CYP2C18: variants seen among roughly 807,000 people sequenced by gnomAD.
CYP2C18 encodes the protein cytochrome P450 2C18.
In CYP2C18, 38 loss-of-function variants were observed where a neutral mutation model predicts 41.3. The ratio of observed to expected loss-of-function variants is 0.92; its 90% confidence interval spans 0.71 to 1.21. The LOEUF (loss-of-function observed/expected upper bound fraction) is 1.21. Among genes scored for constraint, CYP2C18 ranks in the 50% most tolerant of loss-of-function variants. The pLI, the probability that CYP2C18 is intolerant of heterozygous loss-of-function variation, is 0.00. For missense variants in CYP2C18, 635 were observed against 591.4 expected (o/e 1.07, Z -0.77); for synonymous variants, 236 against 210.0 (o/e 1.12, Z -1.07).
chr10:94,704,375 A>G (rs77288056), intron 4 of CYP2C18, among the ~76,000 whole-genome samples: 4,818 of 151,642 alleles, frequency 0.032, 124 homozygotes, highest in Middle Eastern at 0.13. Context: ...TGACTTTTCA[A>G]AACTATTTTT....
chr10:94,689,432 C>T (rs1433932914), intron 3 of CYP2C18, among the ~76,000 whole-genome samples: 1 of 152,110 alleles, frequency 6.6e-6, no homozygotes, highest in Non-Finnish European at 1.5e-5. Context: ...CAAAGTCAGA[C>T]AGTTCCTAGA....
chr10:94,703,087 G>C (rs7095497), intron 4 of CYP2C18, among the ~76,000 whole-genome samples: 3,840 of 152,250 alleles, frequency 0.025, 145 homozygotes, highest in African/African-American at 0.075. Context: ...AAAGATTGCT[G>C]CCTGCTCCTT....
intron 4 of CYP2C18, among the ~76,000 whole-genome samples, chr10:94,700,989 G>T (rs1256557216): frequency 6.6e-6 from 1 of 152,192 alleles, no homozygotes; most frequent in East Asian, 1.9e-4. Flanking sequence ...GAGAGGATAT[G>T]GAGAAATAGG....
At chr10:94,718,377 A>G (rs1847591788) in intron 5 of CYP2C18, among the ~76,000 whole-genome samples, 1 of 152,150 alleles carries the variant, frequency 6.6e-6, no homozygotes, top group African/African-American at 2.4e-5. Flanking sequence ...ATGTAAGATC[A>G]TGCCATCAGC....
At chr10:94,735,187 T>A in intron 8 of CYP2C18, 76 bp from the exon 9 acceptor site, 1 of 1,384,970 alleles carries the variant, frequency 7.2e-7, no homozygotes, top group Non-Finnish European at 1.0e-6. Context: ...ATTTATCAAA[T>A]AGTTACTGCA....
At chr10:94,729,334 T>C (rs551525613) in intron 7 of CYP2C18, among the ~76,000 whole-genome samples, 12 of 152,204 alleles carry the variant, frequency 7.9e-5, no homozygotes, top group Non-Finnish European at 1.6e-4. Context: ...TGGCCACAGG[T>C]CTTTGAGAAC....
intron 5 of CYP2C18, among the ~76,000 whole-genome samples, chr10:94,710,167 C>T (rs72816646): frequency 0.021 from 3,145 of 152,270 alleles, 43 homozygotes; most frequent in Non-Finnish European, 0.034. Flanking sequence ...GACAGCCTTT[C>T]GCTATTTTGC....
chr10:94,724,605 T>G, intron 7 of CYP2C18, 72 bp downstream of exon 7: 1 of 1,353,268 alleles, frequency 7.4e-7, no homozygotes, highest in African/African-American at 1.4e-5. Context: ...GTCCCAATCC[T>G]CTAACAACAC....
In CYP2C18 at chr10:94,735,518, C is replaced by T. The variant is rs1386937965; in HGVS notation, c.*74C>T. 1 of 1,441,116 alleles carries T rather than the reference C, an allele frequency of 6.9e-7. No individual in the cohort carries two copies. Among genetic ancestry groups the T allele is most frequent in the Non-Finnish European group, 9.7e-7 (1 of 1,030,588 alleles). 89.3% of individuals were successfully genotyped at this position (1,441,116 alleles called of 1,614,324 possible). A position where few individuals can be genotyped will look rare whatever the true frequency, so the allele number is the denominator to read the frequency against. Reference sequence around the variant, plus strand: ...CCTTATCAGGGCCATTGGCCTCTCCCTTCTCTCTGTGAGGGATATTTTCTC... The same window carrying T: ...CCTTATCAGGGCCATTGGCCTCTCCTTTCTCTCTGTGAGGGATATTTTCTC... On this transcript the variant is annotated 3_prime_UTR_variant, in exon 9 of 9. Coordinates refer to ENST00000285979, the MANE Select transcript of CYP2C18 (RefSeq NM_000772.3).
At chr10:94,722,816 G>A (rs1847670132) in intron 6 of CYP2C18, among the ~76,000 whole-genome samples, 1 of 152,072 alleles carries the variant, frequency 6.6e-6, no homozygotes, top group Non-Finnish European at 1.5e-5. Context: ...GAGTCCACTT[G>A]AATTCTAAGG....
intron 5 of CYP2C18, among the ~76,000 whole-genome samples, chr10:94,719,480 T>C (rs1847612053): frequency 6.6e-6 from 1 of 152,018 alleles, no homozygotes; most frequent in Non-Finnish European, 1.5e-5. Flanking sequence ...CATGCTTCAC[T>C]GCAGCCTTGA....
At chr10:94,705,198 T>C (rs1401974237) in intron 4 of CYP2C18, among the ~76,000 whole-genome samples, 1 of 152,148 alleles carries the variant, frequency 6.6e-6, no homozygotes, top group Non-Finnish European at 1.5e-5. Context: ...GGAATGAGAT[T>C]ATGTCCTTTG....
intron 7 of CYP2C18, among the ~76,000 whole-genome samples, chr10:94,725,741 GATATA>G (rs1368939120): frequency 4.6e-5 from 7 of 152,024 alleles, no homozygotes; most frequent in Non-Finnish European, 7.4e-5. Context: ...CCTGTCTATA[GATATA>G]ATATATATAT....
At chr10:94,734,572 G>T (rs950969597) in intron 8 of CYP2C18, among the ~76,000 whole-genome samples, 1 of 152,158 alleles carries the variant, frequency 6.6e-6, no homozygotes, top group African/African-American at 2.4e-5. Context: ...AGCTTCTGAA[G>T]GAAGCATAGG....
chr10:94,704,422 C>T (rs370869001), intron 4 of CYP2C18, among the ~76,000 whole-genome samples: 162 of 150,456 alleles, frequency 1.1e-3, no homozygotes, highest in African/African-American at 3.9e-3. Context: ...TTTTCTTTAG[C>T]GTATGTTCAG....
rs538373734 is a variant in CYP2C18, at chr10:94,692,003, C to A, written c.482-2914C>A. Among the ~76,000 whole-genome samples, 513 of 152,252 alleles carry A rather than the reference C, an allele frequency of 3.4e-3. 2 individuals carry two copies. The highest frequency in any genetic ancestry group is 0.012 in the African/African-American group (497 of 41,512). On this transcript the variant is annotated intron_variant, in intron 3 of 8. Coordinates refer to ENST00000285979, the MANE Select transcript of CYP2C18 (RefSeq NM_000772.3). ...AAGCTGAAACTGGATCCCTTCCTTA[C>A]ACTTGATACAAAAATTAATTCAAGA...
intron 1 of CYP2C18, 109 bp from the exon 2 acceptor site, chr10:94,687,661 C>A: frequency 2.0e-6 from 2 of 1,003,200 alleles, no homozygotes; most frequent in Non-Finnish European, 3.0e-6. Context: ...CTGTATTTGA[C>A]AGAATAATCA....
chr10:94,691,538 G>T (rs944757078), intron 3 of CYP2C18, among the ~76,000 whole-genome samples: 8 of 152,212 alleles, frequency 5.3e-5, no homozygotes, highest in African/African-American at 1.9e-4. Context: ...ACAAACAAAT[G>T]GAAGAACATT....
At chr10:94,692,591 A>T (rs1481043290) in intron 3 of CYP2C18, among the ~76,000 whole-genome samples, 1 of 152,226 alleles carries the variant, frequency 6.6e-6, no homozygotes, top group African/African-American at 2.4e-5. Flanking sequence ...AACTAGTTTA[A>T]CCATTGTGGA....
Sources: allele counts gnomAD v4.1 joint callset (sites outside exome capture counted in the v4.1 genomes callset), GRCh38; gene constraint gnomAD v4.1.1; transcripts MANE v1.5; gene names NCBI Gene and HGNC (gene_info 2026-07-23, HGNC 2026-07-21).